The following RNASEL variants were observed in gnomAD, a reference collection of about 807,000 sequenced individuals.
RNASEL encodes the protein 2-5A-dependent ribonuclease.
In RNASEL, 36 loss-of-function variants were observed where a neutral mutation model predicts 50.9. The observed-to-expected ratio is 0.71, with a 90% CI of 0.54 to 0.93. The LOEUF (loss-of-function observed/expected upper bound fraction) is 0.93, where lower values mean the gene tolerates loss of function less well. Ranked by LOEUF, RNASEL falls within the 40% of genes least tolerant of loss-of-function variation. The probability of loss-of-function intolerance (pLI) is 0.00; values close to 1 mark genes in which losing one functional copy is unlikely to be tolerated. For missense variants in RNASEL, 860 were observed against 894.5 expected, an observed-to-expected ratio of 0.96 and a Z score of 0.49; for synonymous variants, 335 against 335.6, an observed-to-expected ratio of 1.00 and a Z score of 0.02.
intron 2 of RNASEL, 57 bp from the exon 3 acceptor site, chr1:182,584,223 T>C (rs891135016): frequency 9.1e-7 from 1 of 1,096,112 alleles, no homozygotes; most frequent in East Asian, 2.4e-5. Context: ...AAAGTGAGAG[T>C]CAATTGATTT....
Position 182,585,863 on chromosome 1 carries a change from G to C in RNASEL, c.944C>G (p.Ser315Cys). ...ATGAGAGAGAAGAACCTTCACAAGG[G>C]AATGGTCATAATTCCGCCTCGCTGT... is the stretch of plus-strand genomic sequence containing the variant. The part of the protein sequence containing the change: ...VMTARRNYDH[S>C]LVKVLLSHGA... The change falls in exon 2 of 7, where the codon TCC (serine) becomes TGC (cysteine). Residue 315 changes from serine (S) to cysteine (C), a missense_variant. Coordinates refer to ENST00000367559, the MANE Select transcript of RNASEL (RefSeq NM_021133.4). The C allele has an allele frequency of 6.2e-7, 1 of 1,612,884 alleles. No homozygotes were observed. The highest frequency in any genetic ancestry group is 1.3e-5 in the African/African-American group (1 of 74,932).
intron 3 of RNASEL, among the ~76,000 whole-genome samples, chr1:182,582,990 C>T (rs545833694): frequency 1.3e-4 from 20 of 152,318 alleles, no homozygotes; most frequent in Admixed American, 2.0e-4. Flanking sequence ...TTTGGCCAAG[C>T]TTAGGTTCTT....
At position 182,581,351 on chromosome 1, in the gene RNASEL, A is replaced by G; in HGVS notation, c.1779T>C (p.Tyr593=). 1 of 1,613,928 alleles carries G rather than the reference A, an allele frequency of 6.2e-7. No homozygotes were observed. The highest frequency in any genetic ancestry group is 2.2e-5 in the East Asian group (1 of 44,874). Residue 593 remains tyrosine (Y), a synonymous_variant, in exon 5 of 7, where the codon TAT becomes TAC. Coordinates refer to ENST00000367559, the MANE Select transcript of RNASEL (RefSeq NM_021133.4). ...CATTTCCCACATTCCGAAGCGTCCT[A>G]TAGCGGCTGAAGATGACTAAATGAT... ...HPFFWTWESR[Y]RTLRNVGNES...
At chr1:182,584,812 G>T (rs542656692) in intron 2 of RNASEL, among the ~76,000 whole-genome samples, 2 of 152,078 alleles carry the variant, frequency 1.3e-5, no homozygotes, top group Non-Finnish European at 2.9e-5. Context: ...GGGACTTTAC[G>T]GTCAGCCTTG....
Position 182,582,191 on chromosome 1 carries a change from T to C in RNASEL, c.1634A>G (p.Gln545Arg), listed in dbSNP as rs1571266776. The C allele has an allele frequency of 6.2e-7, 1 of 1,614,250 alleles. No homozygotes were observed. The change falls in exon 4 of 7, where the codon CAA (glutamine) becomes CGA (arginine). Residue 545 changes from glutamine (Q) to arginine (R), a missense_variant. Physicochemically the swap from Gln to Arg is conservative, Grantham distance 43. Transcript: ENST00000367559. Reference protein sequence around the residue: ...GSISFEDLKAQSNEEVVQLSP... With the variant: ...GSISFEDLKARSNEEVVQLSP... Reference sequence around the variant, plus strand: ...AAGTTGAACCACCTCTTCATTACTTTGAGCTTTCAGATCCTCAAATGAGAT... The same window carrying C: ...AAGTTGAACCACCTCTTCATTACTTCGAGCTTTCAGATCCTCAAATGAGAT...
At position 182,581,473 on chromosome 1, in the gene RNASEL, CTTTTT is replaced by C. The variant is rs1011639686; in HGVS notation, c.1773-121_1773-117del. On this transcript the variant is annotated intron_variant, in intron 4 of 6. Transcript: ENST00000367559. ...TTTTGTGCTTTCTTGGTTTTTCTTT[CTTTTT>C]TTTTTTTTTTTTTTTTTTTTTGAGA... The C allele has an allele frequency of 3.0e-3, 874 of 293,840 alleles. 1 individual carries two copies. Among genetic ancestry groups the C allele is most frequent in the African/African-American group, 0.022 (546 of 25,086 alleles). The allele number at this position is 293,840 out of a possible 1,614,324, so 18.2% of individuals were successfully genotyped here. A position where few individuals can be genotyped will look rare whatever the true frequency, so the allele number is the denominator to read the frequency against.
In RNASEL at chr1:182,585,954, G is replaced by GT. The variant is rs1239122817; in HGVS notation, c.852dup (p.Leu285ThrfsTer29). On this transcript the variant is annotated frameshift_variant, in exon 2 of 7. Coordinates refer to ENST00000367559, the MANE Select transcript of RNASEL (RefSeq NM_021133.4). LOFTEE classifies it high-confidence loss of function. ...CACAGCAACTCGGCGATTTTCTTCAGTTTGAGTTCAACAGCAAGCAGCAGT... is the reference window on the plus strand; with the variant it reads ...CACAGCAACTCGGCGATTTTCTTCAGTTTTGAGTTCAACAGCAAGCAGCAGT... 1.9e-6 allele frequency: 3 copies of GT among 1,614,072 alleles called. No homozygotes were observed. Among genetic ancestry groups the GT allele is most frequent in the Non-Finnish European group, 2.5e-6 (3 of 1,180,040 alleles).
Position 182,585,669 on chromosome 1 carries a change from A to G in RNASEL, c.1138T>C (p.Tyr380His). The G allele has an allele frequency of 6.2e-7, 1 of 1,614,186 alleles. No homozygotes were observed. Among genetic ancestry groups the G allele is most frequent in the Non-Finnish European group, 8.5e-7 (1 of 1,180,018 alleles). ...KIADTSEGGIYLGFYEKQEVA... is the reference protein window; with the variant it reads ...KIADTSEGGIHLGFYEKQEVA... ...TCTTGCTTCTCATAGAACCCCAGGTAGATGCCTCCTTCTGAAGTATCAGCA... is the reference window on the plus strand; with the variant it reads ...TCTTGCTTCTCATAGAACCCCAGGTGGATGCCTCCTTCTGAAGTATCAGCA... Residue 380 changes from tyrosine to histidine, a missense_variant, in exon 2 of 7, where the codon TAC becomes CAC. Coordinates refer to ENST00000367559, the MANE Select transcript of RNASEL (RefSeq NM_021133.4).
At chr1:182,584,894 C>T (rs183074063) in intron 2 of RNASEL, among the ~76,000 whole-genome samples, 2 of 152,330 alleles carry the variant, frequency 1.3e-5, no homozygotes, top group Admixed American at 6.5e-5. Flanking sequence ...TGGATTCTGA[C>T]TTGTTCTGCC....
chr1:182,574,802 T>C lies in RNASEL; in HGVS notation c.*590A>G, dbSNP rs12135247. ...TTCTGGAAGGAGTGGAATTCATGCA[T>C]CCAGTGCCCAGACTTATACTAGATG... On this transcript the variant is annotated 3_prime_UTR_variant, in exon 7 of 7. Coordinates refer to ENST00000367559, the MANE Select transcript of RNASEL (RefSeq NM_021133.4). 0.27 allele frequency: 62,111 copies of C among 231,212 alleles called. 9,013 individuals are homozygous for C. The highest frequency in any genetic ancestry group is 0.39 in the Middle Eastern group (301 of 778). The allele number at this position is 231,212 out of a possible 1,614,324, so 14.3% of individuals were successfully genotyped here. A position where few individuals can be genotyped will look rare whatever the true frequency, so the allele number is the denominator to read the frequency against.
rs1661343594 is a variant in RNASEL at position 182,574,401 on chromosome 1, C to T, written c.*991G>A. The T allele has an allele frequency of 2.2e-5, 5 of 229,010 alleles. No homozygotes were observed. The South Asian group carries it at 9.1e-4, about 42-fold the overall frequency. The allele number at this position is 229,010 out of a possible 1,614,324, so 14.2% of individuals were successfully genotyped here. A position where few individuals can be genotyped will look rare whatever the true frequency, so the allele number is the denominator to read the frequency against. On this transcript the variant is annotated 3_prime_UTR_variant, in exon 7 of 7. Transcript: ENST00000367559. ...GCCTGGGAGCCTCCTGTGGGGCTGACACCAGAAGGAACTCCATCACTACAG... is the reference window on the plus strand; with the variant it reads ...GCCTGGGAGCCTCCTGTGGGGCTGATACCAGAAGGAACTCCATCACTACAG...
chr1:182,581,899 A>C (rs1177609515), intron 4 of RNASEL, among the ~76,000 whole-genome samples, 154 bp downstream of exon 4: 5 of 152,158 alleles, frequency 3.3e-5, no homozygotes, highest in Admixed American at 6.5e-5. Context: ...CAGACTCCAG[A>C]GAGGTTAAGT....
At chr1:182,585,224 T>A in intron 2 of RNASEL, 103 bp downstream of exon 2, 1 of 1,103,602 alleles carries the variant, frequency 9.1e-7, no homozygotes, top group South Asian at 1.5e-5. Context: ...AATTGAATCA[T>A]CCACATTTAC....
In RNASEL at chr1:182,582,286, A is replaced by C. The variant is rs1258641145; in HGVS notation, c.1567-28T>G. 1.9e-6 allele frequency: 3 copies of C among 1,613,132 alleles called. No homozygotes were observed. The African/African-American group carries it at 4.0e-5, about 22-fold the overall frequency. ...GCACAAAAGCCATAAATCAAGCCAA[A>C]GATGCTTACTAATTATTTGGGTAAC... On this transcript the variant is annotated intron_variant, in intron 3 of 6. Transcript: ENST00000367559.
At position 182,585,380 on chromosome 1, in the gene RNASEL, T is replaced by C; in HGVS notation, c.1427A>G (p.His476Arg). The C allele has an allele frequency of 6.2e-7, 1 of 1,614,198 alleles. No homozygotes were observed. Among genetic ancestry groups the C allele is most frequent in the Admixed American group, 1.7e-5 (1 of 60,034 alleles). ...CTGGTGGGTGTATCCACAGGACAAGTGTAGTTCTTGAACAGCCTTAAATAT... is the reference window on the plus strand; with the variant it reads ...CTGGTGGGTGTATCCACAGGACAAGCGTAGTTCTTGAACAGCCTTAAATAT... ...SSIFKAVQEL[H>R]LSCGYTHQDL... Residue 476 changes from histidine to arginine, a missense_variant, in exon 2 of 7, where the codon CAC becomes CGC. Transcript: ENST00000367559.
At position 182,586,861 on chromosome 1, in the gene RNASEL, T is replaced by G; in HGVS notation, c.-55A>C. ...AGCCTTTTCCTTGAGAAAATGCAAATTTATCTCCTAGCACTTAATCAAAGA... is the reference window on the plus strand; with the variant it reads ...AGCCTTTTCCTTGAGAAAATGCAAAGTTATCTCCTAGCACTTAATCAAAGA... On this transcript the variant is annotated 5_prime_UTR_variant, in exon 2 of 7. Coordinates refer to ENST00000367559, the MANE Select transcript of RNASEL (RefSeq NM_021133.4). The G allele has an allele frequency of 6.2e-7, 1 of 1,608,898 alleles. No individual in the cohort carries two copies. Among genetic ancestry groups the G allele is most frequent in the Non-Finnish European group, 8.5e-7 (1 of 1,177,308 alleles).
chr1:182,582,001 C>T, intron 4 of RNASEL, 52 bp downstream of exon 4: 7 of 1,534,592 alleles, frequency 4.6e-6, no homozygotes, highest in Non-Finnish European at 6.3e-6. Flanking sequence ...TCTGCACCAC[C>T]TTACCCTTTC....
chr1:182,585,539 C>G lies in RNASEL; in HGVS notation c.1268G>C (p.Ser423Thr). The G allele has an allele frequency of 1.2e-6, 2 of 1,614,218 alleles. No homozygotes were observed. Reference sequence around the variant, plus strand: ...AAACAAGTGGCCCCTGTGGCTCTCACTCCCATAGAATGTCACCAAGTGACT... The same window carrying G: ...AAACAAGTGGCCCCTGTGGCTCTCAGTCCCATAGAATGTCACCAAGTGACT... ...ENSHLVTFYGSESHRGHLFVC... is the reference protein window; with the variant it reads ...ENSHLVTFYGTESHRGHLFVC... The change falls in exon 2 of 7, where the codon AGT becomes ACT. Residue 423 changes from serine to threonine, a missense_variant. Transcript: ENST00000367559.
chr1:182,586,075 G>T lies in RNASEL; in HGVS notation c.732C>A (p.Ile244=). 6.2e-7 allele frequency: 1 copy of T among 1,614,088 alleles called. No individual in the cohort carries two copies. The highest frequency in any genetic ancestry group is 8.5e-7 in the Non-Finnish European group (1 of 1,180,012). ...VRGERGKTPL[I]LAVEKKHLGL... ...CCAAGTGCTTCTTCTCCACTGCCAG[G>T]ATCAGGGGAGTCTTCCCTCTTTCTC... Residue 244 remains isoleucine, a synonymous_variant, in exon 2 of 7, where the codon ATC becomes ATA. Coordinates refer to ENST00000367559, the MANE Select transcript of RNASEL (RefSeq NM_021133.4).
Sources: allele counts gnomAD v4.1 joint callset (sites outside exome capture counted in the v4.1 genomes callset), GRCh38; gene constraint gnomAD v4.1.1; transcripts MANE v1.5; gene names NCBI Gene and HGNC (gene_info 2026-07-23, HGNC 2026-07-21).